The following GALNTL6 variants were observed in gnomAD, a reference collection of about 807,000 sequenced individuals.
GALNTL6 encodes polypeptide N-acetylgalactosaminyltransferase-like 6.
A neutral mutation model predicts 73.7 loss-of-function variants in GALNTL6; 46 were observed. That is an observed-to-expected ratio of 0.62 (90% confidence interval 0.49 to 0.80). GALNTL6 has a LOEUF of 0.80. Ranked by LOEUF, GALNTL6 falls within the 30% of genes least tolerant of loss-of-function variation. The probability of loss-of-function intolerance (pLI) is 0.00; values close to 1 mark genes in which losing one functional copy is unlikely to be tolerated. For missense variants in GALNTL6, 604 were observed against 755.0 expected (o/e 0.80, Z 2.34); for synonymous variants, 259 against 263.7 (o/e 0.98, Z 0.17).
chr4:172,622,926 A>C (rs1453857609), intron 5 of GALNTL6, among the ~76,000 whole-genome samples: 1 of 152,208 alleles, frequency 6.6e-6, no homozygotes, highest in Non-Finnish European at 1.5e-5. Flanking sequence ...AATTAAGTCC[A>C]TACCAAAAAA....
chr4:172,979,779 G>A (rs2126428850), intron 10 of GALNTL6, among the ~76,000 whole-genome samples: 1 of 152,252 alleles, frequency 6.6e-6, no homozygotes, highest in East Asian at 1.9e-4. Flanking sequence ...AACCAATCTT[G>A]GTTAGTTTCT....
intron 10 of GALNTL6, among the ~76,000 whole-genome samples, chr4:172,966,030 T>G (rs934601633): frequency 1.3e-5 from 2 of 152,196 alleles, no homozygotes; most frequent in African/African-American, 4.8e-5. Context: ...AAATTAATCT[T>G]TGCCAAAATA....
intron 3 of GALNTL6, among the ~76,000 whole-genome samples, chr4:172,301,622 C>T (rs1457474204): frequency 6.6e-6 from 1 of 152,148 alleles, no homozygotes; most frequent in African/African-American, 2.4e-5. Flanking sequence ...TTGGAGTTTG[C>T]TGGAGGTCCA....
intron 5 of GALNTL6, among the ~76,000 whole-genome samples, chr4:172,694,484 T>C (rs1313545022): frequency 6.6e-6 from 1 of 152,250 alleles, no homozygotes; most frequent in Non-Finnish European, 1.5e-5. Context: ...CTCATTCTTT[T>C]TTATGGCTGC....
intron 5 of GALNTL6, among the ~76,000 whole-genome samples, chr4:172,487,695 G>A (rs1413762177): frequency 6.6e-6 from 1 of 151,958 alleles, no homozygotes; most frequent in African/African-American, 2.4e-5. Context: ...ACCATGTTTT[G>A]TTTTTCTTAA....
rs550747891 is a variant in GALNTL6 at position 172,774,091 on chromosome 4, G to A, written c.554-35270G>A. Among the ~76,000 whole-genome samples the A allele has an allele frequency of 6.6e-5, 10 of 152,274 alleles. No individual in the cohort carries two copies. In the East Asian group the frequency reaches 1.5e-3, roughly 24 times the overall value. On this transcript the variant is annotated intron_variant, in intron 5 of 12. Transcript: ENST00000506823. ...TGGTATTCTGGTGTCAATGAAGAGC[G>A]AATTCATTTTTGCACAACGAATTCA... is the stretch of plus-strand genomic sequence containing the variant.
At chr4:172,403,398 A>C (rs1240658231) in intron 5 of GALNTL6, among the ~76,000 whole-genome samples, 2 of 152,092 alleles carry the variant, frequency 1.3e-5, no homozygotes, top group African/African-American at 4.8e-5. Context: ...ATTTGGCCGT[A>C]CATGCCATGA....
At chr4:172,549,618 A>G (rs13147571) in intron 5 of GALNTL6, among the ~76,000 whole-genome samples, 32,534 of 152,134 alleles carry the variant, frequency 0.21, 4,062 homozygotes, top group Non-Finnish European at 0.3. Flanking sequence ...AAAAAATAAC[A>G]AAATGTTGCT....
In GALNTL6 at chr4:172,634,665, A is replaced by T. The variant is rs536834528; in HGVS notation, c.554-174696A>T. Among the ~76,000 whole-genome samples the T allele has an allele frequency of 3.9e-5, 6 of 152,366 alleles. No individual in the cohort carries two copies. The South Asian group carries it at 1.2e-3, about 32-fold the overall frequency. On this transcript the variant is annotated intron_variant, in intron 5 of 12. Transcript: ENST00000506823. ...TATTATAGCAGTACCTAATCTAAAT[A>T]AAGTCAACCACAAATTTATTTATGT...
intron 5 of GALNTL6, among the ~76,000 whole-genome samples, chr4:172,797,566 G>A (rs1304180894): frequency 5.9e-5 from 9 of 151,494 alleles, no homozygotes; most frequent in Admixed American, 5.9e-4. Context: ...TTCTTTTTCT[G>A]AGACAGGGTC....
chr4:172,403,626 G>A (rs548307375), intron 5 of GALNTL6, among the ~76,000 whole-genome samples: 16 of 151,982 alleles, frequency 1.1e-4, no homozygotes, highest in Admixed American at 5.9e-4. Flanking sequence ...TCATCACTTA[G>A]TATGTCAAAA....
rs115285246 is a variant in GALNTL6, at chr4:172,529,633, G to T, written c.553+180944G>T. Among the ~76,000 whole-genome samples, 1,274 of 152,094 alleles carry T rather than the reference G, an allele frequency of 8.4e-3. 10 individuals are homozygous for T. The highest frequency in any genetic ancestry group is 0.029 in the African/African-American group (1,206 of 41,494). On this transcript the variant is annotated intron_variant, in intron 5 of 12. Transcript: ENST00000506823. Reference sequence around the variant, plus strand: ...CTTATGTGTATTATATCTGCAGGAAGATGTAGCATAAATGCAAAGTTGGAG... The same window carrying T: ...CTTATGTGTATTATATCTGCAGGAATATGTAGCATAAATGCAAAGTTGGAG...
intron 5 of GALNTL6, among the ~76,000 whole-genome samples, chr4:172,419,183 T>G (rs1191655726): frequency 2.6e-5 from 4 of 152,098 alleles, no homozygotes; most frequent in Non-Finnish European, 5.9e-5. Flanking sequence ...TATCGAGAAT[T>G]TTTTCAAGAA....
intron 5 of GALNTL6, among the ~76,000 whole-genome samples, chr4:172,360,499 T>C (rs1578993230): frequency 1.3e-5 from 2 of 152,318 alleles, no homozygotes; most frequent in Non-Finnish European, 2.9e-5. Flanking sequence ...TAAACTCTTC[T>C]AATTTCTAGG....
intron 7 of GALNTL6, among the ~76,000 whole-genome samples, chr4:172,830,454 T>A (rs1742564032): frequency 6.7e-6 from 1 of 149,016 alleles, no homozygotes; most frequent in Non-Finnish European, 1.5e-5. Context: ...ACTGCCACCT[T>A]CTGGTAAAAA....
At chr4:171,814,335 C>T in intron 1 of GALNTL6, 77 bp from the exon 2 acceptor site, 1 of 561,104 alleles carries the variant, frequency 1.8e-6, no homozygotes, top group South Asian at 2.3e-5. Context: ...TTAGTCAAGT[C>T]ATTTATTTCT....
intron 5 of GALNTL6, among the ~76,000 whole-genome samples, chr4:172,532,242 A>C (rs1382554106): frequency 6.6e-6 from 1 of 152,212 alleles, no homozygotes; most frequent in Non-Finnish European, 1.5e-5. Context: ...GTCCTAATGT[A>C]CTTATAAGGA....
intron 2 of GALNTL6, among the ~76,000 whole-genome samples, chr4:171,897,719 C>T (rs1014780998): frequency 2.0e-5 from 3 of 150,454 alleles, no homozygotes; most frequent in Non-Finnish European, 3.0e-5. Flanking sequence ...GGCGCAATTT[C>T]GGCTCACTGC....
chr4:172,370,630 CAAAAAAAAA>C (rs71592072), intron 5 of GALNTL6, among the ~76,000 whole-genome samples: 2 of 59,830 alleles, frequency 3.3e-5, no homozygotes, highest in East Asian at 5.0e-4. Flanking sequence ...GACTCCATCT[CAAAAAAAAA>C]AAAAAAAAAA....
Sources: gnomAD v4.1 joint callset for allele counts (sites outside exome capture counted in the v4.1 genomes callset) on GRCh38, gnomAD v4.1.1 for gene constraint, MANE v1.5 for transcripts, NCBI Gene and HGNC (gene_info 2026-07-23, HGNC 2026-07-21) for gene names.